FOXP1: variants seen among roughly 807,000 people sequenced by gnomAD.
FOXP1 encodes the protein forkhead box protein P1.
In FOXP1, 15 loss-of-function variants were observed where a neutral mutation model predicts 98.2. That is an observed-to-expected ratio of 0.15 (90% CI 0.10 to 0.24). The LOEUF is 0.24. Ranked by LOEUF, FOXP1 falls within the 10% of genes least tolerant of loss-of-function variation. FOXP1 has a pLI of 1.00. For missense variants in FOXP1, 633 were observed against 848.5 expected, an observed-to-expected ratio of 0.75 and a Z score of 3.15; for synonymous variants, 371 against 314.5, an observed-to-expected ratio of 1.18 and a Z score of -1.90.
chr3:71,017,932 GTA>G (rs1352990102), intron 11 of FOXP1, among the ~76,000 whole-genome samples: 4 of 152,112 alleles, frequency 2.6e-5, no homozygotes, highest in African/African-American at 9.7e-5. Context: ...CTCTTAGCCA[GTA>G]TACATATTTT....
At chr3:70,987,586 CACT>C (rs2107487890) in intron 14 of FOXP1, among the ~76,000 whole-genome samples, 1 of 152,292 alleles carries the variant, frequency 6.6e-6, no homozygotes, top group East Asian at 1.9e-4. Context: ...TCCTACACAC[CACT>C]GTCTCTCAGC....
At chr3:71,334,144 ACGCCTGTTATCCCACCACT>A (rs2076524985) in intron 4 of FOXP1, 2 of 152,240 alleles carry the variant, frequency 1.3e-5, no homozygotes, top group African/African-American at 4.8e-5. Context: ...GTGGTGGCTC[ACGCCTGTTATCCCACCACT>A]TTGTGAGGCC....
chr3:71,536,947 A>T (rs1233570202), intron 2 of FOXP1, among the ~76,000 whole-genome samples: 1 of 151,612 alleles, frequency 6.6e-6, no homozygotes, highest in Non-Finnish European at 1.5e-5. Flanking sequence ...GTGACTTAAC[A>T]CCCCTGCTGA....
At chr3:71,548,304 C>T (rs1274881414) in intron 2 of FOXP1, among the ~76,000 whole-genome samples, 47 of 152,212 alleles carry the variant, frequency 3.1e-4, no homozygotes, top group Admixed American at 3.1e-3. Flanking sequence ...CACACACACA[C>T]AAATAGCGTA....
intron 5 of FOXP1, among the ~76,000 whole-genome samples, chr3:71,225,178 C>A (rs1028589663): frequency 3.3e-5 from 5 of 152,180 alleles, no homozygotes; most frequent in East Asian, 1.9e-4. Context: ...AGTAAAGATG[C>A]CTGTGATTCT....
chr3:70,977,404 T>TTGCCATCTTTAAACAGGCTCATTTTCAC (rs2037793634), intron 16 of FOXP1, among the ~76,000 whole-genome samples: 18 of 152,256 alleles, frequency 1.2e-4, no homozygotes, highest in Admixed American at 7.2e-4. Flanking sequence ...GATAATTGAC[T>TTGCCATCTTTAAACAGGCTCATTTTCAC]TGCCATCTTT....
intron 2 of FOXP1, among the ~76,000 whole-genome samples, chr3:71,515,151 C>A (rs1039813187): frequency 6.6e-6 from 1 of 152,036 alleles, no homozygotes; most frequent in East Asian, 1.9e-4. Flanking sequence ...CATTTCTAGA[C>A]CCTCTCATAA....
At position 70,955,274 on chromosome 3, in the gene FOXP1, T is replaced by C. The variant is rs2031502602; in HGVS notation, c.*3973A>G. The C allele has an allele frequency of 4.3e-6, 1 of 232,838 alleles. No individual in the cohort carries two copies. The highest frequency in any genetic ancestry group is 8.5e-6 in the Non-Finnish European group (1 of 117,816). 14.4% of individuals were successfully genotyped at this position (232,838 alleles called of 1,614,324 possible). On this transcript the variant is annotated 3_prime_UTR_variant, in exon 21 of 21. Transcript: ENST00000649528. ...TTTACAGCCTATCTTGGGTTAAGAA[T>C]CCAAGGTTTTCTTTACTAGGTCTGA...
chr3:71,429,752 T>G (rs554876556), intron 3 of FOXP1, among the ~76,000 whole-genome samples: 7 of 152,296 alleles, frequency 4.6e-5, no homozygotes, highest in African/African-American at 1.4e-4. Context: ...GAACTCGTCT[T>G]CAAGAATCAC....
At chr3:71,569,835 T>TC (rs2047199922) in intron 2 of FOXP1, among the ~76,000 whole-genome samples, 1 of 150,966 alleles carries the variant, frequency 6.6e-6, no homozygotes, top group Admixed American at 6.6e-5. Context: ...CAGGCTGGAG[T>TC]CCAGTGGCGC....
chr3:71,397,483 A>C (rs1034799692), intron 3 of FOXP1, among the ~76,000 whole-genome samples: 1 of 152,260 alleles, frequency 6.6e-6, no homozygotes, highest in African/African-American at 2.4e-5. Context: ...CCAAATGTAC[A>C]TTATGTGCCA....
intron 3 of FOXP1, among the ~76,000 whole-genome samples, chr3:71,392,599 C>T (rs1054321204): frequency 6.6e-6 from 1 of 152,176 alleles, no homozygotes; most frequent in African/African-American, 2.4e-5. Context: ...CCTTTAAAGC[C>T]ACCTGTTTAA....
intron 3 of FOXP1, among the ~76,000 whole-genome samples, chr3:71,385,018 CAA>C (rs1215508064): frequency 6.6e-6 from 1 of 151,448 alleles, no homozygotes; most frequent in Non-Finnish European, 1.5e-5. Flanking sequence ...ACAGGAAAAA[CAA>C]AAACAGAACA....
chr3:71,291,124 T>C (rs564125785), intron 5 of FOXP1, among the ~76,000 whole-genome samples: 1 of 152,298 alleles, frequency 6.6e-6, no homozygotes, highest in African/African-American at 2.4e-5. Flanking sequence ...CCCTTGTTTA[T>C]CACGCTTCGC....
chr3:71,370,082 C>T (rs917715669), intron 3 of FOXP1, among the ~76,000 whole-genome samples: 4 of 152,082 alleles, frequency 2.6e-5, no homozygotes, highest in African/African-American at 9.7e-5. Flanking sequence ...GGGAAATGAT[C>T]CTAGGATTTT....
chr3:71,387,775 A>T (rs2080705505), intron 3 of FOXP1, among the ~76,000 whole-genome samples: 1 of 152,242 alleles, frequency 6.6e-6, no homozygotes, highest in Non-Finnish European at 1.5e-5. Context: ...ATGCGGCATG[A>T]CACAAACAAA....
intron 2 of FOXP1, among the ~76,000 whole-genome samples, chr3:71,577,163 AT>A (rs2047787024): frequency 6.6e-6 from 1 of 152,202 alleles, no homozygotes; most frequent in Non-Finnish European, 1.5e-5. Flanking sequence ...ACTGACTGTA[AT>A]TAATAAGAAT....
At chr3:71,232,896 A>AAAAAAAAAAAAG (rs2066431600) in intron 5 of FOXP1, among the ~76,000 whole-genome samples, 6 of 135,566 alleles carry the variant, frequency 4.4e-5, no homozygotes, top group Non-Finnish European at 9.7e-5. Flanking sequence ...AAAAAAAAAA[A>AAAAAAAAAAAAG]GCAAGAAAAA....
intron 3 of FOXP1, among the ~76,000 whole-genome samples, chr3:71,406,833 G>T (rs2082380449): frequency 6.6e-6 from 1 of 152,020 alleles, no homozygotes; most frequent in South Asian, 2.1e-4. Flanking sequence ...CGTGAAAGTG[G>T]GTCTCAGTAT....
Sources: gnomAD v4.1 joint callset for allele counts (sites outside exome capture counted in the v4.1 genomes callset) on GRCh38, gnomAD v4.1.1 for gene constraint, MANE v1.5 for transcripts, NCBI Gene and HGNC (gene_info 2026-07-23, HGNC 2026-07-21) for gene names.